PALM2AKAP2: variants seen among roughly 807,000 people sequenced by gnomAD.
PALM2AKAP2 encodes PALM2 and AKAP2 fusion, also known as PALM2-AKAP2 fusion protein.
In PALM2AKAP2, 37 loss-of-function variants were observed where a neutral mutation model predicts 71.5. That is an observed-to-expected ratio of 0.52 (90% CI 0.40 to 0.68). The LOEUF (loss-of-function observed/expected upper bound fraction) is 0.68. Ranked by LOEUF, PALM2AKAP2 falls within the 30% of genes least tolerant of loss-of-function variation. The probability of loss-of-function intolerance (pLI) is 0.00; values close to 1 mark genes in which losing one functional copy is unlikely to be tolerated. For missense variants in PALM2AKAP2, 1,224 were observed against 1,191.8 expected (o/e 1.03, Z -0.40); for synonymous variants, 468 against 478.8 (o/e 0.98, Z 0.29).
intron 1 of PALM2AKAP2, among the ~76,000 whole-genome samples, chr9:109,706,527 C>T (rs970784547): frequency 5.3e-5 from 8 of 152,078 alleles, no homozygotes; most frequent in African/African-American, 1.4e-4. Context: ...CATAGAGTTA[C>T]AATATGAGCT....
At chr9:110,114,985 TCC>T (rs1835332778) in intron 1 of PALM2AKAP2, among the ~76,000 whole-genome samples, 1 of 152,138 alleles carries the variant, frequency 6.6e-6, no homozygotes, top group African/African-American at 2.4e-5. Context: ...CTCCCACGAC[TCC>T]CCACTGCTCC....
At chr9:110,028,258 A>G (rs1202777126) in intron 7 of PALM2AKAP2, among the ~76,000 whole-genome samples, 1 of 152,240 alleles carries the variant, frequency 6.6e-6, no homozygotes. Context: ...GTCAAATAAA[A>G]TAAATGTGAA....
intron 1 of PALM2AKAP2, among the ~76,000 whole-genome samples, chr9:110,135,082 G>A (rs1422136226): frequency 2.8e-5 from 4 of 145,446 alleles, no homozygotes. Flanking sequence ...TCGGGAGGCT[G>A]AGGCGGGCAG....
intron 1 of PALM2AKAP2, among the ~76,000 whole-genome samples, chr9:110,076,471 A>G (rs1196793780): frequency 7.2e-6 from 1 of 139,052 alleles, no homozygotes; most frequent in African/African-American, 2.9e-5. Flanking sequence ...GAGGATATAT[A>G]GGTATATCAT....
At position 109,911,022 on chromosome 9, in the gene PALM2AKAP2, G is replaced by A. The variant is rs571396597; in HGVS notation, c.258-12713G>A. On this transcript the variant is annotated intron_variant, in intron 3 of 9. Transcript: ENST00000302798. Reference sequence around the variant, plus strand: ...CTTGGAGAGAGGTGAAGACACAGGGGAGAGGGGATAGTTAATGGGGTATCC... The same window carrying A: ...CTTGGAGAGAGGTGAAGACACAGGGAAGAGGGGATAGTTAATGGGGTATCC... 7.2e-5 allele frequency among the ~76,000 whole-genome samples: 11 copies of A among 152,260 alleles called. No homozygotes were observed. In the East Asian group the frequency reaches 1.3e-3, roughly 19 times the overall value.
intron 1 of PALM2AKAP2, among the ~76,000 whole-genome samples, chr9:109,659,111 C>A (rs748906123): frequency 2.6e-5 from 4 of 151,724 alleles, no homozygotes; most frequent in Admixed American, 6.6e-5. Flanking sequence ...TATTTCATAT[C>A]CTAAAAATGG....
intron 6 of PALM2AKAP2, among the ~76,000 whole-genome samples, chr9:110,001,519 A>G (rs1376014414): frequency 5.9e-5 from 9 of 152,142 alleles, no homozygotes; most frequent in African/African-American, 2.2e-4. Context: ...TTCCATATGA[A>G]CTTTAAAGTA....
At chr9:109,913,818 G>T (rs191541931) in intron 3 of PALM2AKAP2, among the ~76,000 whole-genome samples, 1 of 146,788 alleles carries the variant, frequency 6.8e-6, no homozygotes, top group Non-Finnish European at 1.5e-5. Flanking sequence ...GTGCAGTGGC[G>T]CAATCTCGGC....
At chr9:110,011,377 C>T (rs1187565963) in intron 6 of PALM2AKAP2, among the ~76,000 whole-genome samples, 1 of 151,888 alleles carries the variant, frequency 6.6e-6, no homozygotes, top group Non-Finnish European at 1.5e-5. Context: ...TACAATTGAA[C>T]ATCTAAGCTT....
intron 6 of PALM2AKAP2, among the ~76,000 whole-genome samples, chr9:110,004,064 CT>C (rs1163111974): frequency 1.3e-5 from 2 of 152,134 alleles, no homozygotes; most frequent in Non-Finnish European, 2.9e-5. Flanking sequence ...GAATTTGATC[CT>C]GTCATTATGA....
chr9:110,089,372 G>C (rs1834653536), intron 1 of PALM2AKAP2, among the ~76,000 whole-genome samples: 1 of 152,180 alleles, frequency 6.6e-6, no homozygotes, highest in African/African-American at 2.4e-5. Context: ...GCCATGAAAA[G>C]ATCTTTATTA....
At chr9:110,161,972 T>A in intron 3 of PALM2AKAP2, 122 bp from the exon 10 acceptor site, 1 of 1,322,044 alleles carries the variant, frequency 7.6e-7, no homozygotes, top group Non-Finnish European at 1.1e-6. Context: ...GGGTGTAGAA[T>A]GGCCTCCTGG....
chr9:110,036,035 G>A (rs1396654211), intron 7 of PALM2AKAP2, among the ~76,000 whole-genome samples: 1 of 151,746 alleles, frequency 6.6e-6, no homozygotes. Flanking sequence ...TCCACCTCCC[G>A]GGTTCATGCC....
chr9:110,112,828 C>A (rs1835280491), intron 1 of PALM2AKAP2, among the ~76,000 whole-genome samples: 1 of 152,248 alleles, frequency 6.6e-6, no homozygotes, highest in Admixed American at 6.5e-5. Context: ...GATATGTAAA[C>A]TACAGCTATC....
chr9:109,712,990 C>A (rs991168984), intron 1 of PALM2AKAP2, among the ~76,000 whole-genome samples: 2 of 152,196 alleles, frequency 1.3e-5, no homozygotes. Flanking sequence ...GCCACACAGT[C>A]CAGATGAATG....
chr9:110,062,571 C>G (rs1364212998), intron 1 of PALM2AKAP2, among the ~76,000 whole-genome samples: 1 of 152,000 alleles, frequency 6.6e-6, no homozygotes, highest in Admixed American at 6.6e-5. Flanking sequence ...TTAGACACAC[C>G]CACCCTAGGA....
intron 3 of PALM2AKAP2, among the ~76,000 whole-genome samples, chr9:109,883,853 G>C (rs570345730): frequency 3.4e-4 from 52 of 152,296 alleles, no homozygotes; most frequent in African/African-American, 1.1e-3. Flanking sequence ...GTCCACTCTT[G>C]TTTACCCTGC....
In PALM2AKAP2 at chr9:110,139,722, C is replaced by CA. The variant is rs566196659; in HGVS notation, c.2569+1185dup. Among the ~76,000 whole-genome samples the CA allele has an allele frequency of 1.8e-3, 269 of 152,300 alleles. 3 individuals are homozygous for CA. The highest frequency in any genetic ancestry group is 5.9e-3 in the African/African-American group (246 of 41,560). ...ACTTTTTAAAATTGGAAAGAATCTC[C>CA]AACCTAAAGAAAAGTTCCCAAGTAC... On this transcript the variant is annotated intron_variant, in intron 2 of 3. Transcript: ENST00000374525.
At chr9:109,915,860 G>C (rs1431054535) in intron 3 of PALM2AKAP2, among the ~76,000 whole-genome samples, 1 of 151,982 alleles carries the variant, frequency 6.6e-6, no homozygotes, top group African/African-American at 2.4e-5. Flanking sequence ...TCTCCAAACA[G>C]TAAAACAATT....
Sources: allele counts gnomAD v4.1 joint callset (sites outside exome capture counted in the v4.1 genomes callset), GRCh38; gene constraint gnomAD v4.1.1; transcripts MANE v1.5; gene names NCBI Gene and HGNC (gene_info 2026-07-23, HGNC 2026-07-21).